The following KCTD1 variants were observed in gnomAD, a reference collection of about 807,000 sequenced individuals.
KCTD1 encodes BTB/POZ domain-containing protein KCTD1.
In KCTD1, 24 loss-of-function variants were observed where a neutral mutation model predicts 66.0. That is an observed-to-expected ratio of 0.36 (90% CI 0.26 to 0.51). The LOEUF (loss-of-function observed/expected upper bound fraction) is 0.51, where lower values mean the gene tolerates loss of function less well. KCTD1 is among the 20% of genes least tolerant of loss of function. KCTD1 has a pLI of 0.95. For missense variants in KCTD1, 943 were observed against 1,205.2 expected, an observed-to-expected ratio of 0.78 and a Z score of 3.22; for synonymous variants, 511 against 517.2, an observed-to-expected ratio of 0.99 and a Z score of 0.16.
intron 1 of KCTD1, among the ~76,000 whole-genome samples, chr18:26,587,545 T>C (rs572797082): frequency 7.9e-5 from 12 of 152,354 alleles, no homozygotes; most frequent in African/African-American, 2.4e-4. Flanking sequence ...ATAACAGCCA[T>C]AGATTATGTG....
intron 1 of KCTD1, among the ~76,000 whole-genome samples, chr18:26,558,611 G>A (rs1452138817): frequency 6.6e-6 from 1 of 152,108 alleles, no homozygotes; most frequent in Non-Finnish European, 1.5e-5. Flanking sequence ...ACACAATGGA[G>A]TACTATTCAG....
intron 1 of KCTD1, among the ~76,000 whole-genome samples, chr18:26,522,709 T>C (rs1983971739): frequency 6.6e-6 from 1 of 152,190 alleles, no homozygotes; most frequent in African/African-American, 2.4e-5. Context: ...TTGGAGCTCA[T>C]GAACTAATAA....
intron 1 of KCTD1, among the ~76,000 whole-genome samples, chr18:26,614,577 C>T (rs1398570972): frequency 6.6e-6 from 1 of 152,144 alleles, no homozygotes; most frequent in Non-Finnish European, 1.5e-5. Context: ...TGACAGAATG[C>T]TTTGGACCCA....
intron 1 of KCTD1, among the ~76,000 whole-genome samples, chr18:26,579,468 A>T (rs768406039): frequency 6.6e-6 from 1 of 152,152 alleles, no homozygotes; most frequent in Non-Finnish European, 1.5e-5. Context: ...TTTTTTCAAT[A>T]ATTGTCATCT....
In KCTD1 at chr18:26,548,442, C is replaced by T. The variant is rs912679798; in HGVS notation, c.95G>A (p.Gly32Asp). The change falls in exon 1 of 5, where the codon GGC (glycine) becomes GAC (aspartate). Residue 32 changes from glycine (G) to aspartate (D), a missense_variant. Physicochemically the swap from Gly to Asp is moderately conservative, Grantham distance 94 (BLOSUM62 -1). This residue lies in a region of KCTD1 where 236 missense variants were observed against 206.6 expected (regional missense o/e 1.14). Transcript: ENST00000580059. ...GCCCCCCGCGCCGCGCTCGCCCTCG[C>T]CCCGCTCCCCATTGTTCTCGGCGGC... ...AAAAENNGER[G>D]EGERGAGGRG... 4.9e-5 allele frequency: 67 copies of T among 1,367,866 alleles called. No individual in the cohort carries two copies. Among genetic ancestry groups the T allele is most frequent in the Non-Finnish European group, 6.2e-5 (66 of 1,063,998 alleles). 84.7% of individuals were successfully genotyped at this position (1,367,866 alleles called of 1,614,324 possible).
At chr18:26,594,238 G>A (rs937862850) in intron 1 of KCTD1, among the ~76,000 whole-genome samples, 9 of 152,238 alleles carry the variant, frequency 5.9e-5, no homozygotes, top group Middle Eastern at 3.4e-3. Flanking sequence ...TGACTGGGAG[G>A]GGAAGTTAGC....
chr18:26,568,994 C>A (rs1666300566), intron 1 of KCTD1, among the ~76,000 whole-genome samples: 2 of 152,056 alleles, frequency 1.3e-5, no homozygotes, highest in African/African-American at 4.8e-5. Flanking sequence ...TTTCAAAAGG[C>A]AATTAGTCTG....
At chr18:26,597,288 G>A (rs1986788506) in intron 1 of KCTD1, among the ~76,000 whole-genome samples, 2 of 152,078 alleles carry the variant, frequency 1.3e-5, no homozygotes, top group Admixed American at 6.6e-5. Flanking sequence ...TGGGGCCTGA[G>A]CAAGGTGATG....
At chr18:26,574,422 T>C (rs942370782) in intron 1 of KCTD1, among the ~76,000 whole-genome samples, 1 of 152,240 alleles carries the variant, frequency 6.6e-6, no homozygotes, top group Non-Finnish European at 1.5e-5. Context: ...TGGTTCCCAG[T>C]TAACACAGAC....
intron 1 of KCTD1, among the ~76,000 whole-genome samples, chr18:26,609,128 C>T (rs1331007876): frequency 6.6e-6 from 1 of 152,058 alleles, no homozygotes; most frequent in Non-Finnish European, 1.5e-5. Flanking sequence ...ATAAAACTCT[C>T]TGGATTGATA....
intron 1 of KCTD1, among the ~76,000 whole-genome samples, chr18:26,554,677 C>CAGGAAT (rs1444298336): frequency 2.0e-5 from 3 of 152,170 alleles, no homozygotes; most frequent in African/African-American, 7.2e-5. Context: ...CAGTAATTGA[C>CAGGAAT]AGGAATAGAA....
intron 1 of KCTD1, among the ~76,000 whole-genome samples, chr18:26,651,799 A>AAAAGAAGGAGAAG (rs764181233): frequency 8.5e-6 from 1 of 117,116 alleles, no homozygotes; most frequent in Admixed American, 9.1e-5. Flanking sequence ...AAAAAAAAAA[A>AAAAGAAGGAGAAG]AAGAAGAAGA....
chr18:26,596,353 GA>G (rs745854305), intron 1 of KCTD1, among the ~76,000 whole-genome samples: 1 of 152,206 alleles, frequency 6.6e-6, no homozygotes, highest in Non-Finnish European at 1.5e-5. Flanking sequence ...CTACAAGACA[GA>G]AAGAGAGCCC....
chr18:26,636,701 C>T (rs1987731322), intron 1 of KCTD1, among the ~76,000 whole-genome samples: 1 of 152,200 alleles, frequency 6.6e-6, no homozygotes, highest in Non-Finnish European at 1.5e-5. Context: ...CACCCATGGC[C>T]CTGTGTCTGG....
chr18:26,465,879 G>C (rs1212438096), intron 3 of KCTD1, among the ~76,000 whole-genome samples: 1 of 152,204 alleles, frequency 6.6e-6, no homozygotes, highest in Non-Finnish European at 1.5e-5. Flanking sequence ...TCCTTGGGAG[G>C]AGAAAAGAGG....
chr18:26,628,969 T>C (rs1326515550), intron 1 of KCTD1, among the ~76,000 whole-genome samples: 1 of 152,224 alleles, frequency 6.6e-6, no homozygotes, highest in Non-Finnish European at 1.5e-5. Context: ...CATGTGTATT[T>C]GCTGGGGGAC....
Position 26,455,836 on chromosome 18 carries a change from C to T in KCTD1, c.2505G>A (p.Ser835=), listed in dbSNP as rs201880718. 15 of 1,614,134 alleles carry T rather than the reference C, an allele frequency of 9.3e-6. No individual in the cohort carries two copies. The Admixed American group carries it at 1.0e-4, about 11-fold the overall frequency. The change falls in exon 5 of 5, where the codon TCG becomes TCA. Residue 835 remains serine (S), a synonymous_variant. Coordinates refer to ENST00000580059, the MANE Select transcript of KCTD1 (RefSeq NM_001142730.3). ...IVGSCGGGVD[S]SQFSEYVLRR... Reference sequence around the variant, plus strand: ...GAAGGACGTATTCGCTGAACTGGGACGAGTCTACTCCTCCCCCACAGGAGC... The same window carrying T: ...GAAGGACGTATTCGCTGAACTGGGATGAGTCTACTCCTCCCCCACAGGAGC...
chr18:26,533,311 A>G (rs1984537304), intron 1 of KCTD1, among the ~76,000 whole-genome samples: 1 of 152,236 alleles, frequency 6.6e-6, no homozygotes, highest in African/African-American at 2.4e-5. Context: ...TACAACTAAA[A>G]TGTGAATTAT....
At chr18:26,632,105 G>C (rs998584440), upstream of KCTD1, among the ~76,000 whole-genome samples, 4 of 147,332 alleles carry the variant, frequency 2.7e-5, no homozygotes, top group African/African-American at 7.5e-5. Context: ...CAACATACAG[G>C]CCGGTGCAGT....
Sources: gnomAD v4.1 joint callset for allele counts (sites outside exome capture counted in the v4.1 genomes callset) on GRCh38, gnomAD v4.1.1 for gene constraint, gnomAD v4.1.1 regional missense constraint, MANE v1.5 for transcripts, NCBI Gene and HGNC (gene_info 2026-07-23, HGNC 2026-07-21) for gene names.